The following PDZRN4 variants were observed in gnomAD, a reference collection of about 807,000 sequenced individuals.
PDZRN4 encodes the protein PDZ domain-containing RING finger protein 4.
In PDZRN4, 70 loss-of-function variants were observed where a neutral mutation model predicts 99.0. The observed-to-expected ratio is 0.71, with a 90% CI of 0.58 to 0.86. The LOEUF is 0.86. PDZRN4 is among the 40% of genes least tolerant of loss of function. The probability of loss-of-function intolerance (pLI) is 0.00; values close to 1 mark genes in which losing one functional copy is unlikely to be tolerated. For missense variants in PDZRN4, 1,474 were observed against 1,331.2 expected, an observed-to-expected ratio of 1.11 and a Z score of -1.67; for synonymous variants, 551 against 501.6, an observed-to-expected ratio of 1.10 and a Z score of -1.32.
chr12:41,410,889 T>A (rs1276464228), intron 3 of PDZRN4, among the ~76,000 whole-genome samples: 1 of 151,986 alleles, frequency 6.6e-6, no homozygotes, highest in African/African-American at 2.4e-5. Context: ...ATATTTTCTA[T>A]TTTGAGACAG....
rs768457247 is a variant in PDZRN4 at position 41,194,154 on chromosome 12, C to G, written c.809C>G (p.Ala270Gly). 8 of 1,551,810 alleles carry G rather than the reference C, an allele frequency of 5.2e-6. No homozygotes were observed. The highest frequency in any genetic ancestry group is 1.8e-6 in the Non-Finnish European group (2 of 1,136,560). Residue 270 changes from alanine to glycine, a missense_variant, in exon 3 of 10, where the codon GCA (alanine) becomes GGA (glycine). Coordinates refer to ENST00000402685, the MANE Select transcript of PDZRN4 (RefSeq NM_001164595.2). ...KILENGPADRADGLEIHDKIM... is the reference protein window; with the variant it reads ...KILENGPADRGDGLEIHDKIM... ...TTAGAAAATGGACCTGCTGACAGAG[C>G]AGATGGCCTGGAGATTCATGACAAA...
intron 3 of PDZRN4, among the ~76,000 whole-genome samples, chr12:41,346,663 C>G (rs1360056098): frequency 6.6e-6 from 1 of 151,862 alleles, no homozygotes; most frequent in East Asian, 1.9e-4. Flanking sequence ...ACAATCTAAC[C>G]AAAAGCTTGA....
intron 3 of PDZRN4, among the ~76,000 whole-genome samples, chr12:41,285,817 C>T (rs1951418660): frequency 1.3e-5 from 2 of 149,586 alleles, no homozygotes; most frequent in African/African-American, 5.0e-5. Flanking sequence ...CATATGGGCA[C>T]AAGGAGGGGA....
rs566311008 is a variant in PDZRN4, at chr12:41,246,104, G to A, written c.843+51916G>A. Among the ~76,000 whole-genome samples, 8 of 152,298 alleles carry A rather than the reference G, an allele frequency of 5.3e-5. No homozygotes were observed. The East Asian group carries it at 9.7e-4, about 18-fold the overall frequency. ...GGTAGACAGGAGACATGTTCCAACT[G>A]TAGGGAGATTTCTCAGAAAAATAAA... On this transcript the variant is annotated intron_variant, in intron 3 of 9. Coordinates refer to ENST00000402685, the MANE Select transcript of PDZRN4 (RefSeq NM_001164595.2).
intron 9 of PDZRN4, among the ~76,000 whole-genome samples, chr12:41,571,360 TCTCTCTCTCTCTCTCTCACA>T (rs1210704480): frequency 1.1e-4 from 11 of 98,072 alleles, no homozygotes; most frequent in African/African-American, 3.6e-4. Flanking sequence ...TCTCTCTCTC[TCTCTCTCTCTCTCTCTCACA>T]CACACACACA....
intron 6 of PDZRN4, among the ~76,000 whole-genome samples, chr12:41,553,535 A>T (rs1939094688): frequency 6.6e-6 from 1 of 152,172 alleles, no homozygotes; most frequent in South Asian, 2.1e-4. Context: ...TACAAAAAAA[A>T]AAAAAATATT....
At chr12:41,333,002 A>G (rs954677943) in intron 3 of PDZRN4, among the ~76,000 whole-genome samples, 1 of 152,136 alleles carries the variant, frequency 6.6e-6, no homozygotes, top group African/African-American at 2.4e-5. Context: ...AAACTAAGGC[A>G]ACAAAATTTA....
chr12:41,307,837 T>C (rs938634080), intron 3 of PDZRN4, among the ~76,000 whole-genome samples: 1 of 152,170 alleles, frequency 6.6e-6, no homozygotes, highest in African/African-American at 2.4e-5. Flanking sequence ...ATAATAGGTA[T>C]GTTTTATAGA....
chr12:41,448,458 C>A (rs1007169192), intron 3 of PDZRN4, among the ~76,000 whole-genome samples: 3 of 152,116 alleles, frequency 2.0e-5, no homozygotes, highest in African/African-American at 4.8e-5. Flanking sequence ...CAATGATTCT[C>A]TTCCATCATG....
intron 3 of PDZRN4, among the ~76,000 whole-genome samples, chr12:41,334,760 T>A (rs766916462): frequency 5.3e-5 from 8 of 152,206 alleles, no homozygotes; most frequent in Admixed American, 2.0e-4. Flanking sequence ...GATTATAGAA[T>A]ATCTGATTTC....
intron 3 of PDZRN4, among the ~76,000 whole-genome samples, chr12:41,327,108 G>C (rs947470143): frequency 1.3e-5 from 2 of 151,998 alleles, no homozygotes; most frequent in Non-Finnish European, 2.9e-5. Flanking sequence ...AGAAGGCTTT[G>C]TTTCTTTCGA....
chr12:41,239,237 C>G (rs1404519757), intron 3 of PDZRN4, among the ~76,000 whole-genome samples: 1 of 152,174 alleles, frequency 6.6e-6, no homozygotes, highest in Admixed American at 6.5e-5. Flanking sequence ...ACCACATGTT[C>G]TCACTTACAA....
intron 3 of PDZRN4, among the ~76,000 whole-genome samples, chr12:41,338,608 T>A (rs1460503953): frequency 6.6e-6 from 1 of 151,310 alleles, no homozygotes; most frequent in Non-Finnish European, 1.5e-5. Context: ...AAATCAGAGA[T>A]GAAAATGGAG....
intron 3 of PDZRN4, among the ~76,000 whole-genome samples, chr12:41,341,617 G>A (rs980263324): frequency 6.6e-6 from 1 of 151,592 alleles, no homozygotes; most frequent in Non-Finnish European, 1.5e-5. Context: ...AAAAAAAATA[G>A]CTAGGAACAA....
chr12:41,298,949 T>C (rs60683724), intron 3 of PDZRN4, among the ~76,000 whole-genome samples: 9,749 of 152,200 alleles, frequency 0.064, 917 homozygotes, highest in African/African-American at 0.21. Flanking sequence ...CAACAATCTG[T>C]TGTGTGATCA....
intron 9 of PDZRN4, among the ~76,000 whole-genome samples, chr12:41,571,874 C>T (rs1211169725): frequency 6.6e-6 from 1 of 152,134 alleles, no homozygotes; most frequent in Non-Finnish European, 1.5e-5. Flanking sequence ...GTTTGGCTTA[C>T]CCATTGTCAG....
chr12:41,537,143 G>C (rs1429912661), intron 5 of PDZRN4, among the ~76,000 whole-genome samples: 2 of 152,142 alleles, frequency 1.3e-5, no homozygotes, highest in Non-Finnish European at 2.9e-5. Flanking sequence ...GATTGTCCCT[G>C]TCTTCCATTA....
At chr12:41,514,578 T>C (rs761834440) in intron 5 of PDZRN4, among the ~76,000 whole-genome samples, 12 of 152,130 alleles carry the variant, frequency 7.9e-5, no homozygotes, top group Non-Finnish European at 1.5e-4. Flanking sequence ...GCAGCAGCTT[T>C]ATCTGCCTTG....
intron 3 of PDZRN4, among the ~76,000 whole-genome samples, chr12:41,205,164 C>T (rs1403842749): frequency 6.6e-6 from 1 of 151,826 alleles, no homozygotes; most frequent in African/African-American, 2.4e-5. Context: ...ATTTGTCCTA[C>T]CAAGTTAACA....
Sources: allele counts gnomAD v4.1 joint callset (sites outside exome capture counted in the v4.1 genomes callset), GRCh38; gene constraint gnomAD v4.1.1; transcripts MANE v1.5; gene names NCBI Gene and HGNC (gene_info 2026-07-23, HGNC 2026-07-21).